The following FYTTD1 variants were observed in gnomAD, a reference collection of about 807,000 sequenced individuals.
FYTTD1 encodes the protein forty-two-three domain containing 1.
FYTTD1 carries 22 observed loss-of-function variants against 40.9 expected under a neutral mutation model. That is an observed-to-expected ratio of 0.54 (90% CI 0.38 to 0.77). The LOEUF (loss-of-function observed/expected upper bound fraction) is 0.77, where lower values mean the gene tolerates loss of function less well. Among genes scored for constraint, FYTTD1 ranks in the 30% least tolerant of loss-of-function variants. FYTTD1 has a pLI of 0.00. For missense variants in FYTTD1, 351 were observed against 392.2 expected (o/e 0.90, Z 0.89); for synonymous variants, 140 against 137.9 (o/e 1.01, Z -0.10).
intron 1 of FYTTD1, among the ~76,000 whole-genome samples, chr3:197,755,051 C>T (rs1326786592): frequency 6.6e-6 from 1 of 152,084 alleles, no homozygotes; most frequent in African/African-American, 2.4e-5. Flanking sequence ...TGGTCTTCAC[C>T]TTGTTCTGTT....
chr3:197,753,962 G>C (rs141122893), intron 1 of FYTTD1, among the ~76,000 whole-genome samples: 3 of 151,962 alleles, frequency 2.0e-5, no homozygotes, highest in Non-Finnish European at 4.4e-5. Flanking sequence ...GGATGGTCTC[G>C]ATCTCCTGAC....
chr3:197,750,060 T>C lies in FYTTD1; in HGVS notation c.89T>C (p.Ile30Thr), dbSNP rs1474254262. The change falls in exon 1 of 9, where the codon ATA (isoleucine) becomes ACA (threonine). Residue 30 changes from isoleucine (I) to threonine (T), a missense_variant. By Grantham distance (89) the Ile-to-Thr change is moderately conservative. Coordinates refer to ENST00000241502, the MANE Select transcript of FYTTD1 (RefSeq NM_032288.7). ...KARSNENLDK[I>T]DMSLDDIIKL... ...CGCAGCAATGAAAACCTCGACAAAA[T>C]AGATATGTCTTTGGGTGAGGGGCCG... The C allele has an allele frequency of 2.5e-6, 4 of 1,578,626 alleles. No individual in the cohort carries two copies. Among genetic ancestry groups the C allele is most frequent in the South Asian group, 1.1e-5 (1 of 87,652 alleles).
At chr3:197,758,339 A>G (rs1729269263) in intron 2 of FYTTD1, among the ~76,000 whole-genome samples, 1 of 152,268 alleles carries the variant, frequency 6.6e-6, no homozygotes, top group Admixed American at 6.5e-5. Context: ...TCAAATATTT[A>G]ACATGAATAT....
At chr3:197,750,528 G>C in intron 1 of FYTTD1, 1 of 985,902 alleles carries the variant, frequency 1.0e-6, no homozygotes, top group South Asian at 4.7e-5. Flanking sequence ...TGGAGAGCCC[G>C]GCCGGGGCTG....
intron 2 of FYTTD1, among the ~76,000 whole-genome samples, chr3:197,766,407 A>T (rs1287178352): frequency 1.7e-5 from 2 of 119,298 alleles, no homozygotes; most frequent in African/African-American, 5.9e-5. Context: ...TTTGCAATAT[A>T]GGTGTGTGTC....
intron 2 of FYTTD1, among the ~76,000 whole-genome samples, chr3:197,762,947 C>T (rs914227390): frequency 1.3e-5 from 2 of 152,028 alleles, no homozygotes; most frequent in South Asian, 2.1e-4. Flanking sequence ...TACAGCAAAC[C>T]CCCGTGATAC....
chr3:197,772,753 C>T (rs1580463347), intron 4 of FYTTD1, among the ~76,000 whole-genome samples: 2 of 152,112 alleles, frequency 1.3e-5, no homozygotes, highest in East Asian at 1.9e-4. Flanking sequence ...GGACTACAGG[C>T]GTGTGCCACC....
intron 2 of FYTTD1, among the ~76,000 whole-genome samples, chr3:197,762,734 T>A (rs1392831071): frequency 2.0e-5 from 3 of 151,492 alleles, no homozygotes; most frequent in African/African-American, 7.3e-5. Context: ...TACAAAAAAT[T>A]AGCTGGGCGT....
intron 2 of FYTTD1, among the ~76,000 whole-genome samples, chr3:197,767,204 A>G (rs1729576405): frequency 1.3e-5 from 2 of 152,062 alleles, no homozygotes; most frequent in Admixed American, 1.3e-4. Context: ...CAGTGGCACG[A>G]TCTCGGCTCA....
chr3:197,780,390 T>C (rs186127392), intron 8 of FYTTD1, among the ~76,000 whole-genome samples: 21 of 152,334 alleles, frequency 1.4e-4, no homozygotes, highest in Admixed American at 2.6e-4. Flanking sequence ...TTCCAATCTT[T>C]AAACCTTTTC....
chr3:197,772,219 A>T (rs894011968), intron 4 of FYTTD1, among the ~76,000 whole-genome samples: 2 of 152,280 alleles, frequency 1.3e-5, no homozygotes, highest in African/African-American at 4.8e-5. Flanking sequence ...CCCATCATTT[A>T]CGTGAGACTT....
chr3:197,776,854 A>G (rs1242191668), intron 6 of FYTTD1, 73 bp from the exon 7 acceptor site: 2 of 1,003,758 alleles, frequency 2.0e-6, no homozygotes, highest in Admixed American at 4.3e-5. Flanking sequence ...TTTAATGTTC[A>G]TTTTTATTTT....
chr3:197,774,589 C>T (rs1182759600), intron 6 of FYTTD1, among the ~76,000 whole-genome samples: 2 of 151,180 alleles, frequency 1.3e-5, no homozygotes, highest in Admixed American at 6.6e-5. Context: ...CAGCATAGCT[C>T]GATGACCAGT....
intron 8 of FYTTD1, 80 bp downstream of exon 8, chr3:197,778,544 T>A: frequency 1.0e-6 from 1 of 1,002,440 alleles, no homozygotes; most frequent in Non-Finnish European, 1.5e-6. Flanking sequence ...AATAGTGAAT[T>A]ATAAACAAGG....
chr3:197,754,213 G>A (rs1018973939), intron 1 of FYTTD1, among the ~76,000 whole-genome samples: 1 of 152,132 alleles, frequency 6.6e-6, no homozygotes, highest in Non-Finnish European at 1.5e-5. Flanking sequence ...CTCATAAATA[G>A]TGTCTTCCTT....
chr3:197,766,430 G>GTGTGTGT (rs1553909119), intron 2 of FYTTD1, among the ~76,000 whole-genome samples: 1 of 134,996 alleles, frequency 7.4e-6, no homozygotes, highest in African/African-American at 2.7e-5. Context: ...GTTTGAGACT[G>GTGTGTGT]GTGTGTGTGT....
rs565675073 is a variant in FYTTD1 at position 197,778,068 on chromosome 3, T to C, written c.732-270T>C. On this transcript the variant is annotated intron_variant, in intron 7 of 8. Transcript: ENST00000241502. ...CATGTAGGATGGGTACCTAGGACTT[T>C]AGAGGTTGCTTTATTTTAATGGAAG... Among the ~76,000 whole-genome samples, 39 of 152,350 alleles carry C rather than the reference T, an allele frequency of 2.6e-4. No homozygotes were observed. In the South Asian group the frequency reaches 5.4e-3, roughly 21 times the overall value.
At chr3:197,770,104 A>G in intron 3 of FYTTD1, 28 bp from the exon 4 acceptor site, 2 of 1,348,118 alleles carry the variant, frequency 1.5e-6, no homozygotes, top group Non-Finnish European at 2.1e-6. Context: ...ATGCAATTTG[A>G]TTAACATAAT....
chr3:197,749,710 T>G, upstream of FYTTD1: 2 of 633,760 alleles, frequency 3.2e-6, no homozygotes, highest in East Asian at 7.4e-5. Context: ...ACAACGGCGG[T>G]CCTCGCGAGC....
Sources: gnomAD v4.1 joint callset for allele counts (sites outside exome capture counted in the v4.1 genomes callset) on GRCh38, gnomAD v4.1.1 for gene constraint, MANE v1.5 for transcripts, NCBI Gene and HGNC (gene_info 2026-07-23, HGNC 2026-07-21) for gene names.